Variants in GRM7 observed in about 807,000 individuals in gnomAD.
GRM7 encodes the protein metabotropic glutamate receptor 7.
Under a neutral mutation model 84.5 loss-of-function variants are expected in GRM7, and 35 were observed. The ratio of observed to expected loss-of-function variants is 0.41; its 90% CI spans 0.32 to 0.55. The LOEUF (loss-of-function observed/expected upper bound fraction) is 0.55, where lower values mean the gene tolerates loss of function less well. Among genes scored for constraint, GRM7 ranks in the 20% least tolerant of loss-of-function variants. The pLI is 0.19. For missense variants in GRM7, 1,003 were observed against 1,194.6 expected, an observed-to-expected ratio of 0.84 and a Z score of 2.36; for synonymous variants, 487 against 455.1, an observed-to-expected ratio of 1.07 and a Z score of -0.89.
At chr3:7,329,055 G>T in intron 4 of GRM7, among the ~76,000 whole-genome samples, 1 of 150,708 alleles carries the variant, frequency 6.6e-6, no homozygotes. Flanking sequence ...CCACCCCTTA[G>T]TTTAAAACCT....
At chr3:7,692,331 C>T (rs1700837244) in intron 9 of GRM7, among the ~76,000 whole-genome samples, 1 of 152,088 alleles carries the variant, frequency 6.6e-6, no homozygotes, top group South Asian at 2.1e-4. Flanking sequence ...TGGGGTATGT[C>T]TTGAGTGATA....
At chr3:7,152,889 G>T (rs1443693130) in intron 2 of GRM7, among the ~76,000 whole-genome samples, 1 of 152,104 alleles carries the variant, frequency 6.6e-6, no homozygotes, top group African/African-American at 2.4e-5. Context: ...TGAAGCTAGG[G>T]TACAGTCATT....
At position 7,229,759 on chromosome 3, in the gene GRM7, ATTTTT is replaced by A. The variant is rs1200808989; in HGVS notation, c.737-68914_737-68910del. Among the ~76,000 whole-genome samples, 254 of 30,136 alleles carry A rather than the reference ATTTTT, an allele frequency of 8.4e-3. 1 individual carries two copies. The highest frequency in any genetic ancestry group is 0.031 in the Middle Eastern group (1 of 32). 19.8% of individuals were successfully genotyped at this position (30,136 alleles called of 152,430 possible). On this transcript the variant is annotated intron_variant, in intron 2 of 9. Transcript: ENST00000357716. ...TATATATATATATATATATATATAT[ATTTTT>A]TTTTTTTTTTGGTTGACAGGTGTTG... is the stretch of plus-strand genomic sequence containing the variant.
chr3:7,432,679 C>T (rs902048474), intron 5 of GRM7, among the ~76,000 whole-genome samples: 12 of 151,350 alleles, frequency 7.9e-5, no homozygotes, highest in Non-Finnish European at 1.8e-4. Flanking sequence ...TAAAACCATG[C>T]ATGAAATAGA....
intron 1 of GRM7, among the ~76,000 whole-genome samples, chr3:7,042,712 T>C (rs980371835): frequency 1.1e-4 from 16 of 152,294 alleles, no homozygotes; most frequent in Admixed American, 4.6e-4. Flanking sequence ...CTCCTTAACA[T>C]AGAATTTTGT....
chr3:6,952,641 G>C (rs935793425), intron 1 of GRM7, among the ~76,000 whole-genome samples: 1 of 152,100 alleles, frequency 6.6e-6, no homozygotes, highest in Admixed American at 6.5e-5. Context: ...CATCTCTCAG[G>C]GGAAAACTGA....
At chr3:6,915,819 T>A (rs1008257646) in intron 1 of GRM7, among the ~76,000 whole-genome samples, 4 of 152,104 alleles carry the variant, frequency 2.6e-5, no homozygotes, top group Non-Finnish European at 5.9e-5. Context: ...AACAGTAAAT[T>A]TTTTTTAACC....
chr3:6,931,462 A>G (rs1318905451), intron 1 of GRM7, among the ~76,000 whole-genome samples: 7 of 152,108 alleles, frequency 4.6e-5, no homozygotes. Flanking sequence ...TGTAGAGTCC[A>G]TTTCCAAACT....
At chr3:7,257,436 T>C (rs1021793895) in intron 2 of GRM7, among the ~76,000 whole-genome samples, 1 of 152,174 alleles carries the variant, frequency 6.6e-6, no homozygotes, top group Non-Finnish European at 1.5e-5. Flanking sequence ...GCTTACCCCA[T>C]ACTAAATACC....
chr3:7,219,045 G>A (rs1696708480), intron 2 of GRM7, among the ~76,000 whole-genome samples: 2 of 152,012 alleles, frequency 1.3e-5, no homozygotes, highest in South Asian at 4.1e-4. Flanking sequence ...TATGAATTAT[G>A]TTTTATTTTG....
intron 4 of GRM7, among the ~76,000 whole-genome samples, chr3:7,390,681 G>A (rs1435610351): frequency 1.3e-5 from 2 of 152,010 alleles, no homozygotes; most frequent in African/African-American, 2.4e-5. Context: ...TTCCTGTAGT[G>A]AATTTTTTAA....
chr3:7,740,066 T>G (rs1056795908), intron 9 of GRM7, among the ~76,000 whole-genome samples: 5 of 152,186 alleles, frequency 3.3e-5, no homozygotes, highest in African/African-American at 1.2e-4. Context: ...AGTTAAGGGT[T>G]GATTGATTAG....
intron 1 of GRM7, among the ~76,000 whole-genome samples, chr3:7,071,400 A>T (rs1697877927): frequency 6.6e-6 from 1 of 152,108 alleles, no homozygotes; most frequent in African/African-American, 2.4e-5. Flanking sequence ...CCCTGCTTTT[A>T]AAGAGGAAAA....
At chr3:6,867,327 C>G (rs1694971531) in intron 1 of GRM7, among the ~76,000 whole-genome samples, 2 of 152,262 alleles carry the variant, frequency 1.3e-5, no homozygotes, top group South Asian at 4.1e-4. Flanking sequence ...TCGGGACATT[C>G]AAGACTCGAT....
intron 4 of GRM7, among the ~76,000 whole-genome samples, chr3:7,410,628 TAC>T (rs1695891529): frequency 1.8e-5 from 2 of 110,544 alleles, no homozygotes; most frequent in African/African-American, 6.7e-5. Context: ...CACACACAAA[TAC>T]ACACATACAC....
In GRM7 at chr3:6,863,196, A is replaced by C. The variant is rs527711620; in HGVS notation, c.519+1289A>C. Among the ~76,000 whole-genome samples the C allele has an allele frequency of 6.7e-6, 1 of 148,910 alleles. No individual in the cohort carries two copies. The highest frequency in any genetic ancestry group is 2.1e-4 in the South Asian group (1 of 4,702). On this transcript the variant is annotated intron_variant, in intron 1 of 9. Coordinates refer to ENST00000357716, the MANE Select transcript of GRM7 (RefSeq NM_000844.4). This position sits in a 1 kb window ranked among gnomAD's most constrained non-coding sequence, Gnocchi z 4.8. Reference sequence around the variant, plus strand: ...CCTTTCCTCCTCTGTCTTCACTCCCAAGTTCTTGGTTCATCTCCGTATTAA... The same window carrying C: ...CCTTTCCTCCTCTGTCTTCACTCCCCAGTTCTTGGTTCATCTCCGTATTAA...
chr3:7,158,665 G>C (rs1694531045), intron 2 of GRM7, among the ~76,000 whole-genome samples: 2 of 152,126 alleles, frequency 1.3e-5, no homozygotes, highest in Admixed American at 6.6e-5. Flanking sequence ...TCCAGGTGCT[G>C]ATCAGAGCTT....
At chr3:7,293,116 A>T (rs193245752) in intron 2 of GRM7, among the ~76,000 whole-genome samples, 98 of 152,214 alleles carry the variant, frequency 6.4e-4, no homozygotes, top group African/African-American at 2.3e-3. Flanking sequence ...TCTAAATAAT[A>T]GAATCATCAA....
intron 7 of GRM7, among the ~76,000 whole-genome samples, chr3:7,490,058 C>G (rs73117711): frequency 6.6e-6 from 1 of 151,826 alleles, no homozygotes; most frequent in African/African-American, 2.4e-5. Flanking sequence ...TAAAAATTCT[C>G]GAACACTTAT....
Sources: allele counts gnomAD v4.1 joint callset (sites outside exome capture counted in the v4.1 genomes callset), GRCh38; gene constraint gnomAD v4.1.1; non-coding constraint Gnocchi (gnomAD v3.1); transcripts MANE v1.5; gene names NCBI Gene and HGNC (gene_info 2026-07-23, HGNC 2026-07-21).